Variants in SNTG1 observed in about 807,000 individuals in gnomAD.
SNTG1 encodes the protein gamma-1-syntrophin.
SNTG1 carries 39 observed loss-of-function variants against 74.7 expected under a neutral mutation model. The observed-to-expected ratio is 0.52, with a 90% CI of 0.40 to 0.68. The LOEUF (loss-of-function observed/expected upper bound fraction) is 0.68, where lower values mean the gene tolerates loss of function less well. Among genes scored for constraint, SNTG1 ranks in the 30% least tolerant of loss-of-function variants. SNTG1 has a pLI of 0.00. For missense variants in SNTG1, 685 were observed against 609.5 expected (o/e 1.12, Z -1.30); for synonymous variants, 254 against 217.1 (o/e 1.17, Z -1.49).
At chr8:50,523,057 G>A (rs143702919) in intron 9 of SNTG1, among the ~76,000 whole-genome samples, 17 of 152,186 alleles carry the variant, frequency 1.1e-4, no homozygotes, top group African/African-American at 4.1e-4. Context: ...TTTTATATAT[G>A]GTGACAGTAT....
At chr8:49,976,048 AAAG>A (rs561778733) in intron 1 of SNTG1, among the ~76,000 whole-genome samples, 49 of 152,142 alleles carry the variant, frequency 3.2e-4, no homozygotes, top group Non-Finnish European at 5.9e-4. Context: ...AAAGAATTGG[AAAG>A]AAGACCTACT....
intron 8 of SNTG1, among the ~76,000 whole-genome samples, chr8:50,482,875 C>T (rs917549038): frequency 1.3e-5 from 2 of 152,162 alleles, no homozygotes; most frequent in Non-Finnish European, 2.9e-5. Flanking sequence ...ATGATGCTGA[C>T]ATCTGAGCCT....
intron 2 of SNTG1, among the ~76,000 whole-genome samples, chr8:50,328,365 G>A (rs2130859921): frequency 6.6e-6 from 1 of 151,440 alleles, no homozygotes; most frequent in South Asian, 2.1e-4. Context: ...TTGCTTACAT[G>A]GTGTATTAGT....
chr8:50,140,478 T>G (rs149323728), intron 1 of SNTG1, among the ~76,000 whole-genome samples: 1 of 152,170 alleles, frequency 6.6e-6, no homozygotes, highest in East Asian at 1.9e-4. Context: ...AGAGTGTGTG[T>G]GTTTGCGAGA....
intron 9 of SNTG1, among the ~76,000 whole-genome samples, chr8:50,522,317 G>T (rs1265849928): frequency 1.3e-5 from 2 of 152,102 alleles, no homozygotes; most frequent in African/African-American, 4.8e-5. Context: ...CAGGGTGTGT[G>T]TGTGTGTTTC....
At chr8:49,980,115 C>A (rs1812537769) in intron 1 of SNTG1, among the ~76,000 whole-genome samples, 1 of 152,170 alleles carries the variant, frequency 6.6e-6, no homozygotes, top group Non-Finnish European at 1.5e-5. Context: ...ATCTCCAGAG[C>A]TCTTTGATCT....
intron 1 of SNTG1, among the ~76,000 whole-genome samples, chr8:50,162,423 G>A (rs2082450449): frequency 6.6e-6 from 1 of 151,872 alleles, no homozygotes. Flanking sequence ...TTAGCCGGAC[G>A]TGGAGGCGGG....
chr8:50,377,361 A>G (rs186035000), intron 2 of SNTG1, among the ~76,000 whole-genome samples: 1 of 152,308 alleles, frequency 6.6e-6, no homozygotes, highest in East Asian at 1.9e-4. Context: ...CATAATTTCA[A>G]GTTCTTTATT....
chr8:50,104,304 C>T (rs979349607), intron 1 of SNTG1, among the ~76,000 whole-genome samples: 3 of 152,112 alleles, frequency 2.0e-5, no homozygotes, highest in African/African-American at 2.4e-5. Context: ...GTGTATGTGT[C>T]GAGGAGTTTA....
intron 11 of SNTG1, among the ~76,000 whole-genome samples, chr8:50,541,243 CTGTGTGTGTG>C (rs200129335): frequency 5.6e-5 from 8 of 143,060 alleles, no homozygotes; most frequent in Admixed American, 2.1e-4. Flanking sequence ...AAGATTTTAC[CTGTGTGTGTG>C]TGTGTGTGTG....
At chr8:50,740,276 A>G (rs917207472) in intron 17 of SNTG1, among the ~76,000 whole-genome samples, 16 of 130,198 alleles carry the variant, frequency 1.2e-4, no homozygotes, top group Admixed American at 6.5e-4. Context: ...AATTTACAAG[A>G]AAAAAAAAAC....
intron 17 of SNTG1, among the ~76,000 whole-genome samples, chr8:50,712,725 A>G (rs1181758315): frequency 6.6e-6 from 1 of 151,196 alleles, no homozygotes; most frequent in Admixed American, 6.6e-5. Context: ...TCATTGTTCA[A>G]CTCCCACTTA....
intron 13 of SNTG1, among the ~76,000 whole-genome samples, chr8:50,606,529 A>C (rs190345613): frequency 6.6e-6 from 1 of 151,990 alleles, no homozygotes; most frequent in Non-Finnish European, 1.5e-5. Flanking sequence ...ACATAAATAT[A>C]AATATTTTGA....
intron 18 of SNTG1, among the ~76,000 whole-genome samples, chr8:50,771,878 G>A (rs751479120): frequency 6.6e-6 from 1 of 152,082 alleles, no homozygotes; most frequent in Non-Finnish European, 1.5e-5. Context: ...AAAGGCACAA[G>A]CAGTAAGCCT....
chr8:50,612,122 T>C (rs940414572), intron 13 of SNTG1, among the ~76,000 whole-genome samples: 4 of 152,210 alleles, frequency 2.6e-5, no homozygotes, highest in Non-Finnish European at 5.9e-5. Context: ...ATAATGTTCA[T>C]TGTAGTAACT....
intron 1 of SNTG1, among the ~76,000 whole-genome samples, chr8:50,029,721 T>C (rs543142526): frequency 6.6e-6 from 1 of 152,312 alleles, no homozygotes; most frequent in South Asian, 2.1e-4. Flanking sequence ...TGTGTATATG[T>C]ACCACATTTC....
chr8:50,712,794 G>A (rs1360429450), intron 17 of SNTG1, among the ~76,000 whole-genome samples: 1 of 151,994 alleles, frequency 6.6e-6, no homozygotes, highest in Non-Finnish European at 1.5e-5. Context: ...TGGGAATGAT[G>A]GTTTTCAGCT....
chr8:50,642,285 T>A (rs554136931), intron 13 of SNTG1, among the ~76,000 whole-genome samples: 1 of 152,184 alleles, frequency 6.6e-6, no homozygotes, highest in South Asian at 2.1e-4. Context: ...ATCTCTCACC[T>A]GCTTTGCTAC....
chr8:50,241,653 A>G (rs1465795754), intron 2 of SNTG1, among the ~76,000 whole-genome samples: 2 of 152,310 alleles, frequency 1.3e-5, no homozygotes, highest in African/African-American at 2.4e-5. Flanking sequence ...CTTTTGGCGA[A>G]GAGAAGAGTA....
Sources: gnomAD v4.1 joint callset for allele counts (sites outside exome capture counted in the v4.1 genomes callset) on GRCh38, gnomAD v4.1.1 for gene constraint, MANE v1.5 for transcripts, NCBI Gene and HGNC (gene_info 2026-07-23, HGNC 2026-07-21) for gene names.